The following SNTB1 variants were observed in gnomAD, a reference collection of about 807,000 sequenced individuals.
The protein encoded by SNTB1 is beta-1-syntrophin.
Under a neutral mutation model 48.9 loss-of-function variants are expected in SNTB1, and 36 were observed. The observed-to-expected ratio is 0.74, with a 90% CI of 0.56 to 0.97. The LOEUF (loss-of-function observed/expected upper bound fraction) is 0.97, where lower values mean the gene tolerates loss of function less well. SNTB1 is among the 50% of genes least tolerant of loss of function. SNTB1 has a pLI of 0.00. For missense variants in SNTB1, 786 were observed against 703.4 expected, an observed-to-expected ratio of 1.12 and a Z score of -1.33; for synonymous variants, 299 against 294.6, an observed-to-expected ratio of 1.01 and a Z score of -0.15.
At chr8:120,593,817 A>G (rs1344009366) in intron 3 of SNTB1, among the ~76,000 whole-genome samples, 1 of 152,150 alleles carries the variant, frequency 6.6e-6, no homozygotes, top group Non-Finnish European at 1.5e-5. Context: ...TGGGGATTCT[A>G]TTTTTAAAGC....
intron 3 of SNTB1, among the ~76,000 whole-genome samples, chr8:120,617,775 G>T (rs745478878): frequency 1.3e-5 from 2 of 152,222 alleles, no homozygotes; most frequent in African/African-American, 2.4e-5. Flanking sequence ...AAGGTGATCA[G>T]TTAAGCCAAA....
At chr8:120,575,376 C>T in intron 3 of SNTB1, 151 bp from the exon 4 acceptor site, 1 of 841,082 alleles carries the variant, frequency 1.2e-6, no homozygotes, top group Non-Finnish European at 1.9e-6. Context: ...TTGTCTTTAT[C>T]CCATGCTTCC....
chr8:120,771,016 T>G (rs1180848712), intron 1 of SNTB1, among the ~76,000 whole-genome samples: 1 of 152,198 alleles, frequency 6.6e-6, no homozygotes, highest in Non-Finnish European at 1.5e-5. Flanking sequence ...ATTTCCTGGA[T>G]TGTCATTTTT....
intron 1 of SNTB1, among the ~76,000 whole-genome samples, chr8:120,700,823 A>C (rs558660393): frequency 7.2e-5 from 11 of 152,236 alleles, no homozygotes; most frequent in African/African-American, 7.2e-5. Context: ...AAATCCAATC[A>C]ACTCTCCTAC....
chr8:120,654,179 C>T (rs1817460210), intron 2 of SNTB1, among the ~76,000 whole-genome samples: 2 of 151,432 alleles, frequency 1.3e-5, no homozygotes, highest in Non-Finnish European at 2.9e-5. Flanking sequence ...AGCATGCTGG[C>T]CCAGGGTAGG....
At chr8:120,712,153 C>T (rs1472386079) in intron 1 of SNTB1, among the ~76,000 whole-genome samples, 2 of 152,110 alleles carry the variant, frequency 1.3e-5, no homozygotes, top group Non-Finnish European at 2.9e-5. Flanking sequence ...GTGGCTCACG[C>T]CTGTAATCCC....
chr8:120,552,362 TGAA>T (rs1418683594), intron 4 of SNTB1, among the ~76,000 whole-genome samples: 5 of 152,146 alleles, frequency 3.3e-5, no homozygotes, highest in South Asian at 4.1e-4. Context: ...GAAGTAATAA[TGAA>T]GAAGGCTTTT....
intron 1 of SNTB1, among the ~76,000 whole-genome samples, chr8:120,735,896 A>AT: frequency 6.6e-6 from 1 of 152,324 alleles, no homozygotes; most frequent in Admixed American, 6.5e-5. Flanking sequence ...TTCACCAAGT[A>AT]TTTTTATTGT....
rs745740783 is a variant in SNTB1 at position 120,811,512 on chromosome 8, C to T, written c.332G>A (p.Arg111His). The change falls in exon 1 of 7, where the codon CGT becomes CAT. Residue 111 changes from arginine (R) to histidine (H), a missense_variant. By Grantham distance (29) the Arg-to-His change is conservative (BLOSUM62 0). Transcript: ENST00000517992. ...CTCCTGCTTCAGCACCTTCACGCCA[C>T]GCTTCTGGTTCGAGATGGACTCGGG... ...QVPESISNQKRGVKVLKQELG... is the reference protein window; with the variant it reads ...QVPESISNQKHGVKVLKQELG... 2 of 1,613,382 alleles carry T rather than the reference C, an allele frequency of 1.2e-6. No homozygotes were observed. The highest frequency in any genetic ancestry group is 1.1e-5 in the South Asian group (1 of 90,974).
Position 120,538,987 on chromosome 8 carries a change from GA to G in SNTB1, c.1525-19del, listed in dbSNP as rs1815242825. On this transcript the variant is annotated intron_variant, in intron 6 of 6. Transcript: ENST00000517992. ...TCCAGTTGCTGAAATTTAAAAAGAA[GA>G]GAGCATGAGCGATTTTAAATTAATG... The G allele has an allele frequency of 6.3e-7, 1 of 1,588,112 alleles. No individual in the cohort carries two copies. Among genetic ancestry groups the G allele is most frequent in the African/African-American group, 1.4e-5 (1 of 73,698 alleles).
At chr8:120,659,104 T>C (rs1467879549) in intron 2 of SNTB1, among the ~76,000 whole-genome samples, 1 of 151,874 alleles carries the variant, frequency 6.6e-6, no homozygotes, top group East Asian at 1.9e-4. Flanking sequence ...GCTGGGACTA[T>C]AGGCGCACGC....
intron 3 of SNTB1, among the ~76,000 whole-genome samples, chr8:120,602,862 G>GT (rs1376952517): frequency 1.3e-5 from 2 of 151,532 alleles, no homozygotes; most frequent in Non-Finnish European, 2.9e-5. Flanking sequence ...TATAAGCTAT[G>GT]TAACAAAGCT....
intron 1 of SNTB1, among the ~76,000 whole-genome samples, chr8:120,786,775 T>C (rs567709642): frequency 3.9e-5 from 6 of 152,286 alleles, no homozygotes; most frequent in African/African-American, 4.8e-5. Context: ...AAATACCTCA[T>C]TGCATTTCAC....
At chr8:120,792,499 CTTT>C (rs1424964745) in intron 1 of SNTB1, among the ~76,000 whole-genome samples, 1 of 151,854 alleles carries the variant, frequency 6.6e-6, no homozygotes, top group African/African-American at 2.4e-5. Flanking sequence ...GCTTTTAAAT[CTTT>C]TTTAATTGCA....
At chr8:120,785,137 G>C (rs937022802) in intron 1 of SNTB1, among the ~76,000 whole-genome samples, 1 of 152,176 alleles carries the variant, frequency 6.6e-6, no homozygotes, top group African/African-American at 2.4e-5. Context: ...CAGTGGTCAC[G>C]GGTTTAGAGA....
At chr8:120,696,711 G>C (rs1027062302) in intron 1 of SNTB1, among the ~76,000 whole-genome samples, 3 of 152,208 alleles carry the variant, frequency 2.0e-5, no homozygotes, top group Non-Finnish European at 4.4e-5. Flanking sequence ...TGACATAGGT[G>C]ATCCCTTGTA....
rs1820430450 is a variant in SNTB1, at chr8:120,811,445, G to T, written c.399C>A (p.Asn133Lys). Residue 133 changes from asparagine to lysine, a missense_variant, in exon 1 of 7, where the codon AAC becomes AAA. Coordinates refer to ENST00000517992, the MANE Select transcript of SNTB1 (RefSeq NM_021021.4). ...TCTTGCTGATGAGGATGGGCATCTT[G>T]TTCTCCTTGCCCCCCTTGATGCTGA... ...LGISIKGGKE[N>K]KMPILISKIF... 6.2e-7 allele frequency: 1 copy of T among 1,614,046 alleles called. No individual in the cohort carries two copies. The highest frequency in any genetic ancestry group is 2.2e-5 in the East Asian group (1 of 44,868).
At chr8:120,663,367 G>A (rs191982994) in intron 2 of SNTB1, among the ~76,000 whole-genome samples, 31 of 152,320 alleles carry the variant, frequency 2.0e-4, no homozygotes, top group Admixed American at 1.6e-3. Context: ...AGAGACATAA[G>A]TATGAGAGTA....
chr8:120,698,741 T>A (rs1818253294), intron 1 of SNTB1, among the ~76,000 whole-genome samples: 1 of 152,144 alleles, frequency 6.6e-6, no homozygotes, highest in Non-Finnish European at 1.5e-5. Context: ...CCAGTTGAGG[T>A]CTGAGACTAA....
Sources: gnomAD v4.1 joint callset for allele counts (sites outside exome capture counted in the v4.1 genomes callset) on GRCh38, gnomAD v4.1.1 for gene constraint, MANE v1.5 for transcripts, NCBI Gene and HGNC (gene_info 2026-07-23, HGNC 2026-07-21) for gene names.